ABHD3: variants seen among roughly 807,000 people sequenced by gnomAD.
ABHD3 encodes phospholipase ABHD3.
ABHD3 carries 46 observed loss-of-function variants against 48.8 expected under a neutral mutation model. That is an observed-to-expected ratio of 0.94 (90% CI 0.74 to 1.20). ABHD3 has a LOEUF of 1.20. Ranked by LOEUF, ABHD3 falls within the 50% of genes most tolerant of loss-of-function variation. The pLI is 0.00. For missense variants in ABHD3, 490 were observed against 497.8 expected (o/e 0.98, Z 0.15); for synonymous variants, 192 against 183.7 (o/e 1.04, Z -0.36).
intron 4 of ABHD3, among the ~76,000 whole-genome samples, chr18:21,667,532 C>T (rs957573102): frequency 1.3e-5 from 2 of 152,058 alleles, no homozygotes; most frequent in Non-Finnish European, 2.9e-5. Flanking sequence ...TGAATCACCG[C>T]GCCCAGCCGA....
chr18:21,693,543 A>C (rs1465379181), intron 3 of ABHD3, among the ~76,000 whole-genome samples: 1 of 152,220 alleles, frequency 6.6e-6, no homozygotes, highest in African/African-American at 2.4e-5. Context: ...AACTCTGATA[A>C]AAAGAGCTTT....
chr18:21,651,854 TATC>T (rs748747210), intron 8 of ABHD3, 91 bp from the exon 9 acceptor site: 14 of 1,156,650 alleles, frequency 1.2e-5, no homozygotes, highest in South Asian at 1.7e-5. Flanking sequence ...CATATACCTT[TATC>T]ATGTCTAATA....
At chr18:21,656,081 G>A (rs1473184906) in intron 8 of ABHD3, among the ~76,000 whole-genome samples, 12 of 151,964 alleles carry the variant, frequency 7.9e-5, no homozygotes, top group Non-Finnish European at 1.3e-4. Flanking sequence ...GCTTGAACCC[G>A]GGAGGCGGAG....
intron 4 of ABHD3, among the ~76,000 whole-genome samples, chr18:21,669,149 A>C (rs985217404): frequency 1.3e-5 from 2 of 152,178 alleles, no homozygotes; most frequent in Admixed American, 6.6e-5. Flanking sequence ...TAGAGGCTGC[A>C]GTGAGCTGTG....
chr18:21,693,729 CA>C (rs1222922209), intron 3 of ABHD3, among the ~76,000 whole-genome samples: 4 of 152,200 alleles, frequency 2.6e-5, no homozygotes, highest in African/African-American at 9.6e-5. Flanking sequence ...GCTAGTCTCA[CA>C]AATGATCAGT....
At chr18:21,664,041 G>A (rs755107890) in intron 5 of ABHD3, 77 bp downstream of exon 5, 15 of 1,504,106 alleles carry the variant, frequency 1.0e-5, no homozygotes, top group Non-Finnish European at 1.3e-5. Context: ...CATACAGCTA[G>A]CTTATAGTCC....
At chr18:21,665,980 T>C (rs2039615463) in intron 4 of ABHD3, among the ~76,000 whole-genome samples, 1 of 152,108 alleles carries the variant, frequency 6.6e-6, no homozygotes, top group African/African-American at 2.4e-5. Context: ...TAAAGCAATC[T>C]ACGGTCTAAT....
chr18:21,684,904 T>C (rs956034912), intron 3 of ABHD3, among the ~76,000 whole-genome samples: 1 of 152,220 alleles, frequency 6.6e-6, no homozygotes, highest in African/African-American at 2.4e-5. Context: ...TTGCATCTGC[T>C]GGGTAAATGG....
rs749530404 is a variant in ABHD3 at position 21,704,613 on chromosome 18, T to A, written c.53A>T (p.Tyr18Phe). The change falls in exon 1 of 9, where the codon TAC becomes TTC. Residue 18 changes from tyrosine to phenylalanine, a missense_variant. Tyr to Phe is a conservative substitution (Grantham distance 22, BLOSUM62 3). Transcript: ENST00000289119. ...CCCCACCCGGACTTGGTGTTCCAGG[T>A]AGAGGGAGAGCTCCCGGGACAACAT... The part of the protein sequence containing the change: ...LRMLSRELSL[Y>F]LEHQVRVGFF... 11 of 1,549,954 alleles carry A rather than the reference T, an allele frequency of 7.1e-6. No homozygotes were observed. The highest frequency in any genetic ancestry group is 8.7e-6 in the Non-Finnish European group (10 of 1,151,204).
chr18:21,698,456 G>C (rs1294216612), intron 3 of ABHD3, among the ~76,000 whole-genome samples: 1 of 151,922 alleles, frequency 6.6e-6, no homozygotes, highest in Non-Finnish European at 1.5e-5. Flanking sequence ...CAGAATGCTG[G>C]GATTACAGGC....
At chr18:21,658,814 G>T (rs1023130883) in intron 6 of ABHD3, among the ~76,000 whole-genome samples, 3 of 151,382 alleles carry the variant, frequency 2.0e-5, no homozygotes, top group Non-Finnish European at 4.4e-5. Flanking sequence ...TACTGTTGGG[G>T]CATGTAATCA....
chr18:21,703,622 T>C lies in ABHD3; in HGVS notation c.288A>G (p.Arg96=), dbSNP rs1181865038. The C allele has an allele frequency of 1.2e-6, 2 of 1,614,014 alleles. No individual in the cohort carries two copies. The highest frequency in any genetic ancestry group is 1.3e-5 in the African/African-American group (1 of 75,030). The change falls in exon 2 of 9, where the codon AGA becomes AGG. Residue 96 remains arginine (R), a synonymous_variant. Coordinates refer to ENST00000289119, the MANE Select transcript of ABHD3 (RefSeq NM_138340.5). ...CWEGRGQTLL[R]PFITSKPPVQ... ...CCGGGGGCTTCGAAGTGATGAAAGG[T>C]CTAAGCAGGGTCTGTCCTCGACCCT...
intron 4 of ABHD3, among the ~76,000 whole-genome samples, chr18:21,681,016 C>T (rs78119642): frequency 0.018 from 2,771 of 152,048 alleles, 28 homozygotes; most frequent in Non-Finnish European, 0.028. Context: ...GTGTGAACCA[C>T]CACTCCCAGC....
At chr18:21,665,059 C>G (rs1056399362) in intron 4 of ABHD3, among the ~76,000 whole-genome samples, 4 of 151,862 alleles carry the variant, frequency 2.6e-5, no homozygotes, top group Non-Finnish European at 5.9e-5. Flanking sequence ...ATTTTCCTGC[C>G]TCACTCCCCT....
intron 8 of ABHD3, among the ~76,000 whole-genome samples, chr18:21,655,809 G>A (rs2039333954): frequency 6.6e-6 from 1 of 150,486 alleles, no homozygotes; most frequent in Non-Finnish European, 1.5e-5. Flanking sequence ...CAGCCTGGGT[G>A]GCAGAGTGAG....
chr18:21,683,448 G>C (rs2040052957), intron 4 of ABHD3: 1 of 400,442 alleles, frequency 2.5e-6, no homozygotes, highest in Non-Finnish European at 5.2e-6. Flanking sequence ...TTCATAAGTG[G>C]AAAAAAAATC....
chr18:21,702,820 T>C (rs1446429139), intron 2 of ABHD3, among the ~76,000 whole-genome samples: 1 of 152,236 alleles, frequency 6.6e-6, no homozygotes, highest in Non-Finnish European at 1.5e-5. Context: ...GTCACTCAAC[T>C]AATGCGACAG....
chr18:21,669,830 G>A (rs1368879702), intron 4 of ABHD3, among the ~76,000 whole-genome samples: 1 of 152,144 alleles, frequency 6.6e-6, no homozygotes, highest in African/African-American at 2.4e-5. Context: ...CTCAGTGAAA[G>A]GAAACTCCTC....
chr18:21,669,786 C>G (rs1394023185), intron 4 of ABHD3, among the ~76,000 whole-genome samples: 2 of 152,178 alleles, frequency 1.3e-5, no homozygotes, highest in African/African-American at 4.8e-5. Flanking sequence ...AACTGCACAG[C>G]TGATAAACTG....
Sources: allele counts gnomAD v4.1 joint callset (sites outside exome capture counted in the v4.1 genomes callset), GRCh38; gene constraint gnomAD v4.1.1; transcripts MANE v1.5; gene names NCBI Gene and HGNC (gene_info 2026-07-23, HGNC 2026-07-21).